The following ELP4 variants were observed in gnomAD, a reference collection of about 807,000 sequenced individuals.
ELP4 encodes the protein elongator complex protein 4.
In ELP4, 51 loss-of-function variants were observed where a neutral mutation model predicts 48.9. That is an observed-to-expected ratio of 1.04 (90% CI 0.83 to 1.32). ELP4 has a LOEUF of 1.32. Ranked by LOEUF, ELP4 falls within the 40% of genes most tolerant of loss-of-function variation. The probability of loss-of-function intolerance (pLI) is 0.00; values close to 1 mark genes in which losing one functional copy is unlikely to be tolerated. For synonymous variants in ELP4, 210 were observed against 189.2 expected, an observed-to-expected ratio of 1.11 and a Z score of -0.90; for missense variants, 519 against 514.6, an observed-to-expected ratio of 1.01 and a Z score of -0.08.
chr11:31,539,729 TG>T lies in ELP4; in HGVS notation c.330del (p.His111IlefsTer48). 1 of 1,612,334 alleles carries T rather than the reference TG, an allele frequency of 6.2e-7. No individual in the cohort carries two copies. The highest frequency in any genetic ancestry group is 8.5e-7 in the Non-Finnish European group (1 of 1,179,162). ...ATTTCCTGGCAGAAGGAATTGTCAA[TG>T]GGCATACTTTGTTGGTTGCATCTGC... ...KYFLAEGIVN[G>X]HTLLVASAKE... On this transcript the variant is annotated frameshift_variant, in exon 3 of 10. Coordinates refer to ENST00000640961, the MANE Select transcript of ELP4 (RefSeq NM_019040.5). LOFTEE classifies it high-confidence loss of function.
chr11:31,746,324 G>A (rs1024566647), intron 9 of ELP4, among the ~76,000 whole-genome samples: 1 of 152,198 alleles, frequency 6.6e-6, no homozygotes, highest in Non-Finnish European at 1.5e-5. Flanking sequence ...GTGGAAGTCA[G>A]TGTGGTGATT....
chr11:31,575,987 CAGACTGGAAAATTGGATAAAGAGTCA>C (rs1398646572), intron 3 of ELP4, among the ~76,000 whole-genome samples: 2 of 152,160 alleles, frequency 1.3e-5, no homozygotes, highest in Non-Finnish European at 2.9e-5. Context: ...TTAAAAGACA[CAGACTGGAAAATTGGATAAAGAGTCA>C]AGACCCATCA....
chr11:31,662,741 G>A (rs1395439592), intron 9 of ELP4: 1 of 392,170 alleles, frequency 2.5e-6, no homozygotes, highest in African/African-American at 2.1e-5. Context: ...CATTTGCTGT[G>A]TAATTTGCAC....
chr11:31,637,048 T>C (rs1326622472), intron 7 of ELP4, among the ~76,000 whole-genome samples: 2 of 151,918 alleles, frequency 1.3e-5, no homozygotes, highest in Non-Finnish European at 2.9e-5. Flanking sequence ...CTTTGTTACA[T>C]GCTGAACTGT....
chr11:31,615,615 C>T (rs1944464814), intron 5 of ELP4, among the ~76,000 whole-genome samples: 1 of 151,608 alleles, frequency 6.6e-6, no homozygotes, highest in African/African-American at 2.4e-5. Context: ...TTTCCCCTAT[C>T]CCACTTTTTC....
At chr11:31,572,546 C>T (rs1305440254) in intron 3 of ELP4, among the ~76,000 whole-genome samples, 1 of 151,996 alleles carries the variant, frequency 6.6e-6, no homozygotes, top group African/African-American at 2.4e-5. Context: ...CCCAACATTT[C>T]TAATTTCGTT....
chr11:31,699,958 G>A (rs1361301240), intron 9 of ELP4, among the ~76,000 whole-genome samples: 2 of 152,116 alleles, frequency 1.3e-5, no homozygotes, highest in East Asian at 1.9e-4. Flanking sequence ...GAGAGACTGA[G>A]AATATGGGAG....
chr11:31,520,959 A>G (rs1161615592), intron 2 of ELP4, among the ~76,000 whole-genome samples: 2 of 152,032 alleles, frequency 1.3e-5, no homozygotes, highest in African/African-American at 4.8e-5. Flanking sequence ...ATGACCTGAA[A>G]TCACCATACT....
intron 2 of ELP4, among the ~76,000 whole-genome samples, chr11:31,537,550 T>A (rs1221006161): frequency 6.6e-6 from 1 of 152,168 alleles, no homozygotes; most frequent in Non-Finnish European, 1.5e-5. Flanking sequence ...TTTAATTGGC[T>A]CATGGTTCTG....
rs7951861 is a variant in ELP4, at chr11:31,538,347, G to A, written c.260-1315G>A. On this transcript the variant is annotated intron_variant, in intron 2 of 9. Coordinates refer to ENST00000640961, the MANE Select transcript of ELP4 (RefSeq NM_019040.5). Reference sequence around the variant, plus strand: ...ATAATTATAATTACTCTATTATATTGCATTACTATATAATAGTTATATAAC... The same window carrying A: ...ATAATTATAATTACTCTATTATATTACATTACTATATAATAGTTATATAAC... 3.9e-3 allele frequency among the ~76,000 whole-genome samples: 576 copies of A among 147,106 alleles called. 4 individuals carry two copies. Among genetic ancestry groups the A allele is most frequent in the African/African-American group, 0.014 (546 of 40,412 alleles).
chr11:31,516,435 A>G (rs1462440167), intron 1 of ELP4, among the ~76,000 whole-genome samples: 1 of 152,238 alleles, frequency 6.6e-6, no homozygotes, highest in Non-Finnish European at 1.5e-5. Context: ...TTATAACATT[A>G]GTGTGGCACT....
At chr11:31,696,335 T>A (rs1283078946) in intron 9 of ELP4, among the ~76,000 whole-genome samples, 1 of 152,212 alleles carries the variant, frequency 6.6e-6, no homozygotes, top group Non-Finnish European at 1.5e-5. Flanking sequence ...ACACACTGCT[T>A]TAAATGTGTC....
At chr11:31,629,285 G>T (rs1176360012) in intron 6 of ELP4, among the ~76,000 whole-genome samples, 1 of 151,872 alleles carries the variant, frequency 6.6e-6, no homozygotes, top group Non-Finnish European at 1.5e-5. Flanking sequence ...TTATTGTACA[G>T]CTACAAGGTT....
At chr11:31,656,023 T>C (rs1415993381) in intron 9 of ELP4, among the ~76,000 whole-genome samples, 1 of 152,078 alleles carries the variant, frequency 6.6e-6, no homozygotes. Context: ...TTGAAAAATC[T>C]ATTAAGCACT....
intron 9 of ELP4, among the ~76,000 whole-genome samples, chr11:31,703,891 C>G (rs968824336): frequency 6.6e-6 from 1 of 152,094 alleles, no homozygotes; most frequent in Admixed American, 6.6e-5. Context: ...TCATTTGAAA[C>G]TGGTAAACAT....
At chr11:31,641,289 CG>C (rs1945089207) in intron 7 of ELP4, among the ~76,000 whole-genome samples, 1 of 151,682 alleles carries the variant, frequency 6.6e-6, no homozygotes, top group Admixed American at 6.6e-5. Context: ...TATTTCATTA[CG>C]GGGCATTATG....
At chr11:31,706,995 G>A (rs1946647505) in intron 9 of ELP4, 2 of 398,166 alleles carry the variant, frequency 5.0e-6, no homozygotes, top group South Asian at 2.5e-4. Context: ...TGGACACCTA[G>A]GTTGACTTCA....
intron 9 of ELP4, among the ~76,000 whole-genome samples, chr11:31,713,440 A>G (rs1317265569): frequency 1.3e-5 from 2 of 152,186 alleles, no homozygotes; most frequent in Admixed American, 6.5e-5. Context: ...AAATATTTCA[A>G]AGTATAATGA....
intron 9 of ELP4, among the ~76,000 whole-genome samples, chr11:31,704,689 A>G (rs2134162101): frequency 1.3e-5 from 2 of 152,248 alleles, no homozygotes; most frequent in East Asian, 1.9e-4. Flanking sequence ...GATTTAGATC[A>G]TAGAAAACAC....
Sources: allele counts gnomAD v4.1 joint callset (sites outside exome capture counted in the v4.1 genomes callset), GRCh38; gene constraint gnomAD v4.1.1; transcripts MANE v1.5; gene names NCBI Gene and HGNC (gene_info 2026-07-23, HGNC 2026-07-21).